Variants in SEC14L1 observed in about 807,000 individuals in gnomAD.
SEC14L1 encodes SEC14 like lipid binding 1.
SEC14L1 carries 48 observed loss-of-function variants against 85.3 expected under a neutral mutation model. The observed-to-expected ratio is 0.56, with a 90% CI of 0.45 to 0.72. SEC14L1 has a LOEUF of 0.72. SEC14L1 is among the 30% of genes least tolerant of loss of function. The pLI is 0.00. For synonymous variants in SEC14L1, 391 were observed against 355.5 expected, an observed-to-expected ratio of 1.10 and a Z score of -1.12; for missense variants, 682 against 921.4, an observed-to-expected ratio of 0.74 and a Z score of 3.36.
chr17:77,208,477 T>C (rs1032450398), intron 13 of SEC14L1, among the ~76,000 whole-genome samples: 19 of 152,210 alleles, frequency 1.2e-4, no homozygotes, highest in Non-Finnish European at 2.8e-4. Context: ...GTAGTGTGTT[T>C]GCGGTGCTGA....
At chr17:77,105,418 T>C (rs1401055103) in intron 3 of SEC14L1, among the ~76,000 whole-genome samples, 1 of 120,388 alleles carries the variant, frequency 8.3e-6, no homozygotes, top group Admixed American at 1.2e-4. Context: ...GAGGTCCCAT[T>C]TGCAAAGTAC....
intron 8 of SEC14L1, among the ~76,000 whole-genome samples, chr17:77,197,918 T>C (rs1975899725): frequency 6.6e-6 from 1 of 152,250 alleles, no homozygotes; most frequent in Non-Finnish European, 1.5e-5. Context: ...GAATGACTTT[T>C]TAAAGACAAT....
chr17:77,089,669 C>T (rs1018326402), intron 2 of SEC14L1: 3 of 342,998 alleles, frequency 8.7e-6, no homozygotes, highest in Non-Finnish European at 1.7e-5. Flanking sequence ...GGCCCTTGTT[C>T]TCTGGGAACT....
chr17:77,157,414 A>G (rs971199744), intron 3 of SEC14L1, among the ~76,000 whole-genome samples: 6 of 152,210 alleles, frequency 3.9e-5, no homozygotes, highest in Non-Finnish European at 8.8e-5. Context: ...TGGCTTCACA[A>G]GGCTTCCAGG....
rs71280842 is a variant in SEC14L1 at position 77,123,414 on chromosome 17, C to CTTTTTTTTTTTTTT, written c.-135-19230_-135-19217dup. Among the ~76,000 whole-genome samples the CTTTTTTTTTTTTTT allele has an allele frequency of 6.3e-4, 51 of 80,472 alleles. 4 individuals carry two copies. The highest frequency in any genetic ancestry group is 1.6e-3 in the African/African-American group (26 of 16,496). The allele number at this position is 80,472 out of a possible 152,430, so 52.8% of individuals were successfully genotyped here. A position where few individuals can be genotyped will look rare whatever the true frequency, so the allele number is the denominator to read the frequency against. On this transcript the variant is annotated intron_variant, in intron 3 of 19. Coordinates refer to the SEC14L1 transcript ENST00000392476. The stretch of plus-strand genomic sequence containing the variant: ...CCCTGAAGTGGGTCCCAGGCCCACT[C>CTTTTTTTTTTTTTT]TTTTTTTTTTTTTTTGAGACAGAGC...
At position 77,206,622 on chromosome 17, in the gene SEC14L1, G is replaced by A. The variant is rs1027924509; in HGVS notation, c.1342-106G>A. ...CTTTACAGAAGAAGTATATAAACTT[G>A]AATGTCTTCCCCCCACCCTCCCACT... On this transcript the variant is annotated intron_variant, in intron 12 of 16. Transcript: ENST00000436233. The surrounding 1 kb of genome is among the most constrained non-coding windows in gnomAD (Gnocchi z 4.3). The A allele has an allele frequency of 5.9e-5, 82 of 1,379,500 alleles. No individual in the cohort carries two copies. In the African/African-American group the frequency reaches 1.1e-3, roughly 18 times the overall value. The allele number at this position is 1,379,500 out of a possible 1,614,324, so 85.5% of individuals were successfully genotyped here.
intron 3 of SEC14L1, among the ~76,000 whole-genome samples, chr17:77,100,006 A>G (rs1462655043): frequency 6.6e-6 from 1 of 152,242 alleles, no homozygotes; most frequent in Non-Finnish European, 1.5e-5. Context: ...AGTTCAAAAA[A>G]TTCATAGAAC....
intron 3 of SEC14L1, among the ~76,000 whole-genome samples, chr17:77,119,950 C>T (rs140695762): frequency 1.5e-3 from 231 of 152,308 alleles, no homozygotes; most frequent in African/African-American, 5.1e-3. Flanking sequence ...CCAGGCTGCC[C>T]TGACCCTCAG....
intron 3 of SEC14L1, among the ~76,000 whole-genome samples, chr17:77,167,293 C>T (rs763333789): frequency 1.3e-5 from 2 of 152,048 alleles, no homozygotes; most frequent in South Asian, 4.1e-4. Context: ...CAGTACTACA[C>T]CCAGCTAATT....
chr17:77,208,665 C>T (rs1976590022), intron 13 of SEC14L1, among the ~76,000 whole-genome samples: 1 of 152,200 alleles, frequency 6.6e-6, no homozygotes, highest in South Asian at 2.1e-4. Flanking sequence ...GACATCACTG[C>T]TTTGACACTT....
At chr17:77,174,212 C>A (rs959080353) in intron 3 of SEC14L1, among the ~76,000 whole-genome samples, 5 of 152,164 alleles carry the variant, frequency 3.3e-5, no homozygotes, top group Admixed American at 6.5e-5. Context: ...AGCCACTGCG[C>A]CTGGCCTCTT....
chr17:77,162,703 G>A (rs1441062009), intron 3 of SEC14L1, among the ~76,000 whole-genome samples: 2 of 151,976 alleles, frequency 1.3e-5, no homozygotes, highest in Non-Finnish European at 2.9e-5. Flanking sequence ...GGTGGTACGT[G>A]CCTGTAATCG....
At chr17:77,118,535 A>G (rs1393975795) in intron 3 of SEC14L1, among the ~76,000 whole-genome samples, 2 of 152,216 alleles carry the variant, frequency 1.3e-5, no homozygotes, top group African/African-American at 4.8e-5. Flanking sequence ...TCCAAGGGCA[A>G]TGGACATGCT....
intron 3 of SEC14L1, chr17:77,095,080 A>G (rs1971608132): frequency 6.6e-6 from 1 of 152,178 alleles, no homozygotes; most frequent in Non-Finnish European, 1.5e-5. Flanking sequence ...TCCTTGGAAT[A>G]TGAGTCTTTG....
chr17:77,213,580 C>T lies in SEC14L1; in HGVS notation c.2042+88C>T, dbSNP rs767644770. On this transcript the variant is annotated intron_variant, in intron 16 of 16. Transcript: ENST00000436233. The surrounding 1 kb of genome is among the most constrained non-coding windows in gnomAD (Gnocchi z 7.1). The stretch of plus-strand genomic sequence containing the variant: ...AGTCCCACGCCGTGTGCAGGATCAG[C>T]AGTGGCGGCGGGTGTCAGGAATGCT... 4 of 1,501,462 alleles carry T rather than the reference C, an allele frequency of 2.7e-6. No individual in the cohort carries two copies. In the East Asian group the frequency reaches 9.2e-5, roughly 34 times the overall value. 93.0% of individuals were successfully genotyped at this position (1,501,462 alleles called of 1,614,324 possible). A position where few individuals can be genotyped will look rare whatever the true frequency, so the allele number is the denominator to read the frequency against.
In SEC14L1 at chr17:77,190,841, G is replaced by A. The variant is rs370569666; in HGVS notation, c.102G>A (p.Pro34=). 262 of 1,614,064 alleles carry A rather than the reference G, an allele frequency of 1.6e-4. No individual in the cohort carries two copies. The highest frequency in any genetic ancestry group is 2.1e-4 in the Non-Finnish European group (245 of 1,180,020). ...ERRFPTCPLI[P]MFVGSDTVNE... is the part of the protein sequence containing the mutation. ...GGTTCCCTACATGTCCTTTGATTCCGATGTTCGTGGGCAGTGACACTGTGA... is the reference window on the plus strand; with the variant it reads ...GGTTCCCTACATGTCCTTTGATTCCAATGTTCGTGGGCAGTGACACTGTGA... The change falls in exon 4 of 17, where the codon CCG becomes CCA. Residue 34 remains proline, a synonymous_variant. Coordinates refer to ENST00000436233, the MANE Select transcript of SEC14L1 (RefSeq NM_001143998.2).
intron 8 of SEC14L1, among the ~76,000 whole-genome samples, chr17:77,196,550 G>A (rs997315811): frequency 1.3e-5 from 2 of 152,208 alleles, no homozygotes; most frequent in Non-Finnish European, 2.9e-5. Context: ...TACAAACAGT[G>A]TCACGTCACA....
chr17:77,102,335 G>C (rs141067621), intron 3 of SEC14L1, among the ~76,000 whole-genome samples: 6 of 152,176 alleles, frequency 3.9e-5, no homozygotes, highest in African/African-American at 1.2e-4. Context: ...TACAGTTCAC[G>C]TGGGTGGCTC....
At chr17:77,199,577 G>A (rs1401951848) in intron 8 of SEC14L1, 1 of 152,768 alleles carries the variant, frequency 6.5e-6, no homozygotes, top group Non-Finnish European at 1.5e-5. Context: ...CACTACGAAG[G>A]TTTCCATTCA....
Sources: allele counts gnomAD v4.1 joint callset (sites outside exome capture counted in the v4.1 genomes callset), GRCh38; gene constraint gnomAD v4.1.1; non-coding constraint Gnocchi (gnomAD v3.1); transcripts MANE v1.5; gene names NCBI Gene and HGNC (gene_info 2026-07-23, HGNC 2026-07-21).